NEGR1: variants seen among roughly 807,000 people sequenced by gnomAD.
NEGR1 encodes IgLON family member 4.
Under a neutral mutation model 40.9 loss-of-function variants are expected in NEGR1, and 10 were observed. The observed-to-expected ratio is 0.24, with a 90% CI of 0.15 to 0.42. NEGR1 has a LOEUF of 0.42. Ranked by LOEUF, NEGR1 falls within the 10% of genes least tolerant of loss-of-function variation. The pLI is 1.00. For missense variants in NEGR1, 352 were observed against 438.9 expected, an observed-to-expected ratio of 0.80 and a Z score of 1.77; for synonymous variants, 185 against 166.8, an observed-to-expected ratio of 1.11 and a Z score of -0.84.
chr1:71,910,783 G>A (rs1052657935), intron 2 of NEGR1, among the ~76,000 whole-genome samples: 2 of 151,890 alleles, frequency 1.3e-5, no homozygotes, highest in Non-Finnish European at 2.9e-5. Context: ...CTGCAGCCTC[G>A]GCTTCGCAGG....
chr1:71,799,292 G>A (rs956021781), intron 2 of NEGR1, among the ~76,000 whole-genome samples: 1 of 152,084 alleles, frequency 6.6e-6, no homozygotes, highest in Non-Finnish European at 1.5e-5. Flanking sequence ...AGACCACACG[G>A]TGTTTGGTTT....
chr1:72,193,360 C>T (rs1652888183), intron 1 of NEGR1, among the ~76,000 whole-genome samples: 1 of 151,744 alleles, frequency 6.6e-6, no homozygotes, highest in African/African-American at 2.4e-5. Context: ...ATCAGTAAAA[C>T]AAGCACACAA....
At chr1:71,947,562 T>C (rs1477207192) in intron 1 of NEGR1, among the ~76,000 whole-genome samples, 1 of 152,228 alleles carries the variant, frequency 6.6e-6, no homozygotes, top group Non-Finnish European at 1.5e-5. Flanking sequence ...AAACCACCTC[T>C]ATTGCAAAAG....
At chr1:71,618,019 A>T (rs74421280) in intron 4 of NEGR1, among the ~76,000 whole-genome samples, 1 of 152,194 alleles carries the variant, frequency 6.6e-6, no homozygotes, top group Non-Finnish European at 1.5e-5. Flanking sequence ...GAGAATGACA[A>T]CTGTGTTCAG....
intron 1 of NEGR1, among the ~76,000 whole-genome samples, chr1:71,953,127 T>C (rs1233645849): frequency 6.6e-6 from 1 of 151,942 alleles, no homozygotes; most frequent in Non-Finnish European, 1.5e-5. Context: ...CAAGGAGTAA[T>C]TTCAACTTTC....
At chr1:71,807,422 C>G (rs1206438625) in intron 2 of NEGR1, among the ~76,000 whole-genome samples, 1 of 151,930 alleles carries the variant, frequency 6.6e-6, no homozygotes, top group African/African-American at 2.4e-5. Context: ...ATAAAACACC[C>G]TGTGAAAAGA....
At chr1:71,862,420 C>T (rs1025343234) in intron 2 of NEGR1, among the ~76,000 whole-genome samples, 1 of 152,000 alleles carries the variant, frequency 6.6e-6, no homozygotes, top group Non-Finnish European at 1.5e-5. Context: ...TCACTCACTC[C>T]CTGTTTCCCT....
chr1:71,687,628 C>T (rs1322353812), intron 4 of NEGR1, among the ~76,000 whole-genome samples: 4 of 152,162 alleles, frequency 2.6e-5, no homozygotes, highest in Admixed American at 6.5e-5. Flanking sequence ...TCCTAACTTC[C>T]GTGGTTCTGC....
rs536986993 is a variant in NEGR1, at chr1:72,221,978, G to A, written c.176+60341C>T. Reference sequence around the variant, plus strand: ...CCAAGACTCAGTCCCTAGGCCCACCGAGGAGCAAGGGTGGACCCAGTGGCC... The same window carrying A: ...CCAAGACTCAGTCCCTAGGCCCACCAAGGAGCAAGGGTGGACCCAGTGGCC... On this transcript the variant is annotated intron_variant, in intron 1 of 6. Coordinates refer to ENST00000357731, the MANE Select transcript of NEGR1 (RefSeq NM_173808.3). Among the ~76,000 whole-genome samples, 15 of 151,854 alleles carry A rather than the reference G, an allele frequency of 9.9e-5. No individual in the cohort carries two copies. The South Asian group carries it at 2.5e-3, about 25-fold the overall frequency.
At chr1:72,146,436 C>T (rs755152489) in intron 1 of NEGR1, among the ~76,000 whole-genome samples, 1 of 152,012 alleles carries the variant, frequency 6.6e-6, no homozygotes, top group African/African-American at 2.4e-5. Flanking sequence ...ATTTCTTCTC[C>T]GTAGCTTGTA....
intron 4 of NEGR1, among the ~76,000 whole-genome samples, chr1:71,635,188 G>T (rs1188513412): frequency 7.9e-5 from 12 of 152,018 alleles, no homozygotes; most frequent in Admixed American, 1.3e-4. Context: ...GGTTTCCATT[G>T]TTCTAATCAG....
chr1:71,787,864 A>G (rs1283190763), intron 2 of NEGR1, among the ~76,000 whole-genome samples: 2 of 152,164 alleles, frequency 1.3e-5, no homozygotes, highest in Non-Finnish European at 2.9e-5. Flanking sequence ...TTGGCTTTGA[A>G]AGACACAAGG....
At chr1:71,541,672 C>A (rs1436026435) in intron 6 of NEGR1, among the ~76,000 whole-genome samples, 2 of 151,734 alleles carry the variant, frequency 1.3e-5, no homozygotes, top group Non-Finnish European at 2.9e-5. Flanking sequence ...AACGGGCTGT[C>A]AGAATATGCA....
At chr1:72,182,861 C>T (rs990080738) in intron 1 of NEGR1, among the ~76,000 whole-genome samples, 2 of 151,422 alleles carry the variant, frequency 1.3e-5, no homozygotes, top group Non-Finnish European at 2.9e-5. Context: ...AAGACCCATC[C>T]CACAGGTTTG....
intron 6 of NEGR1, among the ~76,000 whole-genome samples, chr1:71,510,330 C>T (rs1182501471): frequency 6.6e-6 from 1 of 152,042 alleles, no homozygotes; most frequent in Non-Finnish European, 1.5e-5. Flanking sequence ...AAAAAGCAAA[C>T]AACTTCTAGA....
intron 1 of NEGR1, among the ~76,000 whole-genome samples, chr1:72,166,741 G>T (rs769042162): frequency 3.1e-4 from 47 of 152,010 alleles, no homozygotes; most frequent in Non-Finnish European, 6.2e-4. Context: ...TATTATTATG[G>T]TTACCAGAGG....
intron 6 of NEGR1, among the ~76,000 whole-genome samples, chr1:71,547,672 G>C (rs964422845): frequency 5.3e-5 from 8 of 151,696 alleles, no homozygotes; most frequent in African/African-American, 1.9e-4. Flanking sequence ...GCACATTTTG[G>C]AAAATTGACC....
intron 1 of NEGR1, among the ~76,000 whole-genome samples, chr1:72,017,038 T>C (rs1275812226): frequency 6.6e-6 from 1 of 152,140 alleles, no homozygotes; most frequent in Non-Finnish European, 1.5e-5. Context: ...TGATAAAATA[T>C]ATGTATTGGA....
chr1:71,418,186 G>C (rs1646368985), intron 6 of NEGR1, among the ~76,000 whole-genome samples: 1 of 151,192 alleles, frequency 6.6e-6, no homozygotes, highest in African/African-American at 2.4e-5. Flanking sequence ...GAAGCAAGTA[G>C]TGTTTCACAG....
Sources: allele counts gnomAD v4.1 joint callset (sites outside exome capture counted in the v4.1 genomes callset), GRCh38; gene constraint gnomAD v4.1.1; transcripts MANE v1.5; gene names NCBI Gene and HGNC (gene_info 2026-07-23, HGNC 2026-07-21).